R3HDM2: variants seen among roughly 807,000 people sequenced by gnomAD.
The protein encoded by R3HDM2 is R3H domain-containing protein 2.
In R3HDM2, 38 loss-of-function variants were observed where a neutral mutation model predicts 124.5. That is an observed-to-expected ratio of 0.31 (90% CI 0.24 to 0.40). The LOEUF (loss-of-function observed/expected upper bound fraction) is 0.40. R3HDM2 is among the 10% of genes least tolerant of loss of function. R3HDM2 has a pLI of 1.00. For missense variants in R3HDM2, 869 were observed against 1,236.9 expected (o/e 0.70, Z 4.46); for synonymous variants, 391 against 448.0 (o/e 0.87, Z 1.61).
chr12:57,313,121 AC>A (rs2054262821), intron 2 of R3HDM2, among the ~76,000 whole-genome samples: 1 of 152,058 alleles, frequency 6.6e-6, no homozygotes. Context: ...TATACATGGG[AC>A]TTTGTTTATG....
At chr12:57,404,910 T>A (rs1372014154) in intron 1 of R3HDM2, among the ~76,000 whole-genome samples, 9 of 152,084 alleles carry the variant, frequency 5.9e-5, no homozygotes, top group African/African-American at 1.2e-4. Context: ...AAGATATCTA[T>A]AATTAATATG....
At chr12:57,282,683 A>G (rs2046448464) in intron 13 of R3HDM2, among the ~76,000 whole-genome samples, 1 of 152,122 alleles carries the variant, frequency 6.6e-6, no homozygotes, top group Non-Finnish European at 1.5e-5. Flanking sequence ...AAAAATCATA[A>G]AAAGAGCTGA....
chr12:57,368,022 A>G lies in R3HDM2; in HGVS notation c.-36+27727T>C, dbSNP rs186464703. Among the ~76,000 whole-genome samples, 312 of 151,898 alleles carry G rather than the reference A, an allele frequency of 2.1e-3. 3 individuals are homozygous for G. The highest frequency in any genetic ancestry group is 4.9e-3 in the Admixed American group (75 of 15,242). ...CAGTTGTTTCTGTTGATGCTGGTTC[A>G]CAGAACCGTGTTTCTTTTGTGATTT... On this transcript the variant is annotated intron_variant, in intron 2 of 23. Transcript: ENST00000402412.
At chr12:57,323,944 C>G (rs1190752535) in intron 2 of R3HDM2, among the ~76,000 whole-genome samples, 1 of 152,092 alleles carries the variant, frequency 6.6e-6, no homozygotes, top group Non-Finnish European at 1.5e-5. Flanking sequence ...ATCGCAGAAT[C>G]TGAGGGATGA....
chr12:57,375,581 T>G (rs932062567), intron 2 of R3HDM2, among the ~76,000 whole-genome samples: 1 of 152,130 alleles, frequency 6.6e-6, no homozygotes, highest in Non-Finnish European at 1.5e-5. Flanking sequence ...CTAGACTCTA[T>G]GAGTAAATAC....
intron 1 of R3HDM2, among the ~76,000 whole-genome samples, chr12:57,427,059 G>A (rs1011261855): frequency 5.9e-5 from 9 of 152,132 alleles, no homozygotes; most frequent in African/African-American, 1.4e-4. Flanking sequence ...TTGGGAGGCC[G>A]AGGCAGGAGG....
In R3HDM2 at chr12:57,254,012, G is replaced by C; in HGVS notation, c.*761C>G. ...GTGGGGTCTAGGAAGACAAGATGGG[G>C]AAGTGAGAGAATGGGGCAATCAATT... is the stretch of plus-strand genomic sequence containing the variant. On this transcript the variant is annotated 3_prime_UTR_variant, in exon 24 of 24. Coordinates refer to ENST00000402412, the MANE Select transcript of R3HDM2 (RefSeq NM_001394031.1). 2.5e-6 allele frequency: 1 copy of C among 397,710 alleles called. No individual in the cohort carries two copies. Among genetic ancestry groups the C allele is most frequent in the South Asian group, 1.9e-5 (1 of 53,838 alleles). 24.6% of individuals were successfully genotyped at this position (397,710 alleles called of 1,614,324 possible).
intron 2 of R3HDM2, among the ~76,000 whole-genome samples, chr12:57,328,074 CTTTT>C (rs71084742): frequency 1.4e-5 from 2 of 143,690 alleles, no homozygotes; most frequent in South Asian, 2.2e-4. Flanking sequence ...TTCACGTTAT[CTTTT>C]TTTTTTTTTT....
At chr12:57,267,483 A>G (rs2042731233) in intron 18 of R3HDM2, among the ~76,000 whole-genome samples, 1 of 152,216 alleles carries the variant, frequency 6.6e-6, no homozygotes, top group African/African-American at 2.4e-5. Flanking sequence ...TGAACCCAGG[A>G]GGTAGAGGTT....
intron 1 of R3HDM2, among the ~76,000 whole-genome samples, chr12:57,420,203 A>G (rs1360380485): frequency 6.6e-6 from 1 of 152,094 alleles, no homozygotes. Context: ...TCCTGTATAT[A>G]TAAATATGCT....
chr12:57,297,790 C>A, intron 7 of R3HDM2: 1 of 368,530 alleles, frequency 2.7e-6, no homozygotes, highest in South Asian at 4.2e-5. Flanking sequence ...TATTTTAGCT[C>A]TTCTTACTAT....
At position 57,298,662 on chromosome 12, in the gene R3HDM2, T is replaced by TAA. The variant is rs750641295; in HGVS notation, c.422-496_422-495dup. ...ATAATTAGAGGCAAATCTGCATTAT[T>TAA]AAAAAAAAAAAAAACCAGGCCAGGC... On this transcript the variant is annotated intron_variant, in intron 6 of 23. Transcript: ENST00000402412. Among the ~76,000 whole-genome samples, 182 of 141,658 alleles carry TAA rather than the reference T, an allele frequency of 1.3e-3. 1 individual carries two copies. The highest frequency in any genetic ancestry group is 4.3e-3 in the African/African-American group (166 of 38,634). The allele number at this position is 141,658 out of a possible 152,430, so 92.9% of individuals were successfully genotyped here. A position where few individuals can be genotyped will look rare whatever the true frequency, so the allele number is the denominator to read the frequency against.
intron 2 of R3HDM2, among the ~76,000 whole-genome samples, chr12:57,367,834 T>G (rs1424309584): frequency 6.6e-6 from 1 of 152,214 alleles, no homozygotes; most frequent in East Asian, 1.9e-4. Flanking sequence ...TATTTTTTTA[T>G]TTCTAAAATA....
chr12:57,347,346 T>C (rs780863917), intron 2 of R3HDM2, among the ~76,000 whole-genome samples: 3 of 152,106 alleles, frequency 2.0e-5, no homozygotes, highest in Non-Finnish European at 2.9e-5. Context: ...CATACATACA[T>C]AGAGATCTAG....
At chr12:57,272,502 G>A in intron 14 of R3HDM2, 2 of 1,549,744 alleles carry the variant, frequency 1.3e-6, no homozygotes, top group Non-Finnish European at 1.7e-6. Context: ...TTGGGGACAG[G>A]AGCTTGGAGA....
At chr12:57,429,415 G>A (rs1466094053) in intron 1 of R3HDM2, among the ~76,000 whole-genome samples, 5 of 152,092 alleles carry the variant, frequency 3.3e-5, no homozygotes, top group African/African-American at 7.2e-5. Context: ...TAATCTAACC[G>A]GCCACTTTTC....
intron 2 of R3HDM2, among the ~76,000 whole-genome samples, chr12:57,348,384 A>G (rs2060266468): frequency 6.6e-6 from 1 of 151,960 alleles, no homozygotes; most frequent in Admixed American, 6.6e-5. Context: ...CTGGGCAACT[A>G]GTGAAACCTC....
At chr12:57,368,727 A>G (rs1202039489) in intron 2 of R3HDM2, among the ~76,000 whole-genome samples, 1 of 151,956 alleles carries the variant, frequency 6.6e-6, no homozygotes, top group Non-Finnish European at 1.5e-5. Context: ...AGCATCTGAA[A>G]CCCTCCTGGA....
intron 2 of R3HDM2, among the ~76,000 whole-genome samples, chr12:57,315,544 A>G (rs2054832038): frequency 6.6e-6 from 1 of 152,234 alleles, no homozygotes; most frequent in Non-Finnish European, 1.5e-5. Flanking sequence ...CGTCAAATCA[A>G]AATGACAACT....
Sources: gnomAD v4.1 joint callset for allele counts (sites outside exome capture counted in the v4.1 genomes callset) on GRCh38, gnomAD v4.1.1 for gene constraint, MANE v1.5 for transcripts, NCBI Gene and HGNC (gene_info 2026-07-23, HGNC 2026-07-21) for gene names.